The following KLHL33 variants were observed in gnomAD, a reference collection of about 807,000 sequenced individuals.
The protein encoded by KLHL33 is kelch-like protein 33.
Under a neutral mutation model 60.8 loss-of-function variants are expected in KLHL33, and 46 were observed. The observed-to-expected ratio is 0.76, with a 90% CI of 0.60 to 0.97. KLHL33 has a LOEUF of 0.97. Among genes scored for constraint, KLHL33 ranks in the 50% least tolerant of loss-of-function variants. The probability of loss-of-function intolerance (pLI) is 0.00; values close to 1 mark genes in which losing one functional copy is unlikely to be tolerated. For synonymous variants in KLHL33, 434 were observed against 432.2 expected, an observed-to-expected ratio of 1.00 and a Z score of -0.05; for missense variants, 1,055 against 1,000.0, an observed-to-expected ratio of 1.05 and a Z score of -0.74.
In KLHL33 at chr14:20,428,638, A is replaced by G; in HGVS notation, c.*211T>C. 1.8e-6 allele frequency: 1 copy of G among 551,362 alleles called. No homozygotes were observed. 34.2% of individuals were successfully genotyped at this position (551,362 alleles called of 1,614,324 possible). ...GTCTCCTTTCCTCACCTGGGTATTCAGCTGCCTCCCCTTTCCCTATATGTT... is the reference window on the plus strand; with the variant it reads ...GTCTCCTTTCCTCACCTGGGTATTCGGCTGCCTCCCCTTTCCCTATATGTT... On this transcript the variant is annotated 3_prime_UTR_variant, in exon 5 of 5. Coordinates refer to ENST00000636854, the MANE Select transcript of KLHL33 (RefSeq NM_001365790.2).
chr14:20,432,978 GAA>G (rs1439971096), intron 2 of KLHL33, among the ~76,000 whole-genome samples: 2 of 151,574 alleles, frequency 1.3e-5, no homozygotes, highest in South Asian at 2.1e-4. Flanking sequence ...AAGAAAGAAA[GAA>G]AGAAAGAGAG....
In KLHL33 at chr14:20,430,213, C is replaced by T; in HGVS notation, c.1255G>A (p.Ala419Thr). 6.4e-7 allele frequency: 1 copy of T among 1,551,614 alleles called. No homozygotes were observed. Among genetic ancestry groups the T allele is most frequent in the Non-Finnish European group, 8.7e-7 (1 of 1,147,002 alleles). Residue 419 changes from alanine (A) to threonine (T), a missense_variant, in exon 3 of 5, where the codon GCC becomes ACC. Coordinates refer to ENST00000636854, the MANE Select transcript of KLHL33 (RefSeq NM_001365790.2). ...AANPETQESE[A>T]KALLRCVRFG... ...CGGACACATCGCAGCAGGGCCTTGG[C>T]CTCTGACTCCTGGGTCTCGGGGTTG...
Position 20,435,417 on chromosome 14 carries a change from G to C in KLHL33, c.395C>G (p.Ala132Gly), listed in dbSNP as rs776094743. The C allele has an allele frequency of 4.1e-6, 5 of 1,234,408 alleles. No homozygotes were observed. The highest frequency in any genetic ancestry group is 5.1e-6 in the Non-Finnish European group (5 of 988,192). 76.5% of individuals were successfully genotyped at this position (1,234,408 alleles called of 1,614,324 possible). A position where few individuals can be genotyped will look rare whatever the true frequency, so the allele number is the denominator to read the frequency against. Reference sequence around the variant, plus strand: ...GTCTCGGAAGAGGCTGCTGATTGCGGCCAGGATCACCCGATGCACCCCGTA... The same window carrying C: ...GTCTCGGAAGAGGCTGCTGATTGCGCCCAGGATCACCCGATGCACCCCGTA... ...RVYGVHRVIL[A>G]AISSLFRDRL... The change falls in exon 2 of 5, where the codon GCC (alanine) becomes GGC (glycine). Residue 132 changes from alanine to glycine, a missense_variant. Ala to Gly is a moderately conservative substitution (Grantham distance 60). Coordinates refer to ENST00000636854, the MANE Select transcript of KLHL33 (RefSeq NM_001365790.2).
rs576003180 is a variant in KLHL33, at chr14:20,429,203, C to G, written c.2040G>C (p.Leu680Phe). Residue 680 changes from leucine to phenylalanine, a missense_variant, in exon 5 of 5, where the codon TTG becomes TTC. Transcript: ENST00000636854. ...VPRAGHVMAA[L>F]GGRLYVAGGL... is the part of the protein sequence containing the mutation. ...CACCTGCCACATACAACCTCCCACC[C>G]AATGCAGCCATGACATGGCCAGCCC... The G allele has an allele frequency of 6.4e-7, 1 of 1,551,640 alleles. No homozygotes were observed. Among genetic ancestry groups the G allele is most frequent in the Non-Finnish European group, 8.7e-7 (1 of 1,147,014 alleles).
intron 2 of KLHL33, among the ~76,000 whole-genome samples, chr14:20,434,426 A>G (rs932644305): frequency 2.0e-5 from 3 of 152,116 alleles, no homozygotes; most frequent in African/African-American, 7.2e-5. Context: ...CTGTAATCCC[A>G]GCTACTCGGG....
chr14:20,426,160 A>G lies in KLHL33; in HGVS notation c.*2689T>C, dbSNP rs994925449. ...AGAAGGGTGCAAGGGAGACTCCATC[A>G]TCACCCTTAGAAACATGAAAATCTT... is the stretch of plus-strand genomic sequence containing the variant. On this transcript the variant is annotated 3_prime_UTR_variant, in exon 5 of 5. Transcript: ENST00000636854. 3 of 152,212 alleles carry G rather than the reference A, an allele frequency of 2.0e-5. No individual in the cohort carries two copies. The highest frequency in any genetic ancestry group is 7.2e-5 in the African/African-American group (3 of 41,454). The allele number at this position is 152,212 out of a possible 1,614,324, so 9.4% of individuals were successfully genotyped here.
chr14:20,429,518 C>T lies in KLHL33; in HGVS notation c.1825G>A (p.Glu609Lys), dbSNP rs1213484201. The change falls in exon 4 of 5, where the codon GAG becomes AAG. Residue 609 changes from glutamate to lysine, a missense_variant. Transcript: ENST00000636854. ...ALDSVETYNP[E>K]LNVWRPAPAL... ...CCTGCTTACCTCCAGACATTGAGCT[C>T]AGGGTTGTAGGTCTCCACAGAGTCC... The T allele has an allele frequency of 2.6e-6, 4 of 1,552,222 alleles. No homozygotes were observed. Among genetic ancestry groups the T allele is most frequent in the Non-Finnish European group, 3.5e-6 (4 of 1,147,098 alleles).
Position 20,428,575 on chromosome 14 carries a change from T to G in KLHL33, c.*274A>C. On this transcript the variant is annotated 3_prime_UTR_variant, in exon 5 of 5. Coordinates refer to ENST00000636854, the MANE Select transcript of KLHL33 (RefSeq NM_001365790.2). ...ACTCTCTTTCAAACTAGATGCCCTT[T>G]CCCTAAGAATCCCTAAGCCTTGTGG... 2.5e-6 allele frequency: 1 copy of G among 408,058 alleles called. No homozygotes were observed. Among genetic ancestry groups the G allele is most frequent in the Non-Finnish European group, 4.4e-6 (1 of 226,438 alleles). The allele number at this position is 408,058 out of a possible 1,614,324, so 25.3% of individuals were successfully genotyped here. A position where few individuals can be genotyped will look rare whatever the true frequency, so the allele number is the denominator to read the frequency against.
Position 20,428,414 on chromosome 14 carries a change from T to C in KLHL33, c.*435A>G, listed in dbSNP as rs1040341660. 36 of 158,114 alleles carry C rather than the reference T, an allele frequency of 2.3e-4. No individual in the cohort carries two copies. The highest frequency in any genetic ancestry group is 2.0e-3 in the Admixed American group (32 of 16,096). The allele number at this position is 158,114 out of a possible 1,614,324, so 9.8% of individuals were successfully genotyped here. A position where few individuals can be genotyped will look rare whatever the true frequency, so the allele number is the denominator to read the frequency against. The stretch of plus-strand genomic sequence containing the variant: ...TCCAGGAAAAAAAGGGCTGAACGAT[T>C]TACAGTCCTTACTCCTACACTCCTC... On this transcript the variant is annotated 3_prime_UTR_variant, in exon 5 of 5. Transcript: ENST00000636854.
intron 3 of KLHL33, 50 bp from the exon 4 acceptor site, chr14:20,429,719 G>A (rs1206007739): frequency 1.3e-6 from 2 of 1,536,530 alleles, no homozygotes; most frequent in East Asian, 2.4e-5. Flanking sequence ...GGCATCCGTG[G>A]TTGGCTAGGC....
intron 2 of KLHL33, among the ~76,000 whole-genome samples, chr14:20,434,052 A>G (rs1053646365): frequency 6.6e-6 from 1 of 152,222 alleles, no homozygotes; most frequent in Non-Finnish European, 1.5e-5. Context: ...CCAAGTCAAC[A>G]TCTCCAAATT....
At position 20,436,162 on chromosome 14, in the gene KLHL33, G is replaced by A. The variant is rs1158708767; in HGVS notation, c.-83C>T. ...AAGCGCCCGCTGTGCTTGGGGCTGC[G>A]TGGCAGAGGGAACTTGCCCACATGG... On this transcript the variant is annotated 5_prime_UTR_variant, in exon 1 of 5. In the 5' UTR this introduces an upstream ATG that the reference lacks. Transcript: ENST00000636854. 1.7e-5 allele frequency: 3 copies of A among 175,342 alleles called. No individual in the cohort carries two copies. The highest frequency in any genetic ancestry group is 3.6e-5 in the Non-Finnish European group (3 of 83,942). The allele number at this position is 175,342 out of a possible 1,614,324, so 10.9% of individuals were successfully genotyped here. A position where few individuals can be genotyped will look rare whatever the true frequency, so the allele number is the denominator to read the frequency against.
At position 20,435,597 on chromosome 14, in the gene KLHL33, A is replaced by G; in HGVS notation, c.215T>C (p.Leu72Pro). Residue 72 changes from leucine to proline, a missense_variant, in exon 2 of 5, where the codon CTA becomes CCA. Coordinates refer to ENST00000636854, the MANE Select transcript of KLHL33 (RefSeq NM_001365790.2). The stretch of plus-strand genomic sequence containing the variant: ...TTCTTCCTCTTCCTCTTCTTCCTCT[A>G]GGGACAAGGCTGGAAAGGGAAGGTT... ...PRNLPFPALS[L>P]EEEEEEEEDE... is the part of the protein sequence containing the mutation. The G allele has an allele frequency of 8.1e-7, 1 of 1,234,598 alleles. No individual in the cohort carries two copies. The highest frequency in any genetic ancestry group is 3.2e-5 in the East Asian group (1 of 31,696). The allele number at this position is 1,234,598 out of a possible 1,614,324, so 76.5% of individuals were successfully genotyped here.
In KLHL33 at chr14:20,428,452, G is replaced by A. The variant is rs759137195; in HGVS notation, c.*397C>T. On this transcript the variant is annotated 3_prime_UTR_variant, in exon 5 of 5. Coordinates refer to ENST00000636854, the MANE Select transcript of KLHL33 (RefSeq NM_001365790.2). ...TCCTACACTCCTCAAACTCTTTCAT[G>A]GATGGCCATTCCACATTTTTCCCAT... 2.7e-5 allele frequency: 5 copies of A among 185,448 alleles called. No individual in the cohort carries two copies. Among genetic ancestry groups the A allele is most frequent in the Non-Finnish European group, 4.5e-5 (4 of 88,380 alleles). The allele number at this position is 185,448 out of a possible 1,614,324, so 11.5% of individuals were successfully genotyped here.
intron 2 of KLHL33, among the ~76,000 whole-genome samples, chr14:20,433,744 T>A (rs1244786185): frequency 2.0e-5 from 3 of 152,218 alleles, no homozygotes; most frequent in Non-Finnish European, 4.4e-5. Context: ...AATTTTATGA[T>A]TATGAAAAAT....
intron 2 of KLHL33, among the ~76,000 whole-genome samples, chr14:20,433,581 C>A (rs180834756): frequency 6.6e-6 from 1 of 152,340 alleles, no homozygotes; most frequent in East Asian, 1.9e-4. Flanking sequence ...TCAGAGCCAA[C>A]CCTGAAAGGG....
chr14:20,435,083 T>G lies in KLHL33; in HGVS notation c.729A>C (p.Ala243=), dbSNP rs1226557110. 8.1e-7 allele frequency: 1 copy of G among 1,234,448 alleles called. No homozygotes were observed. The highest frequency in any genetic ancestry group is 1.0e-6 in the Non-Finnish European group (1 of 988,256). The allele number at this position is 1,234,448 out of a possible 1,614,324, so 76.5% of individuals were successfully genotyped here. A position where few individuals can be genotyped will look rare whatever the true frequency, so the allele number is the denominator to read the frequency against. ...CCTCACCCGACAGCTGGCAGCCGCC[T>G]GCCTCCAGCTTCAAGTCACACCCGA... The part of the protein sequence containing the change: ...EGVGCDLKLE[A]GGCQLSVHRA... The change falls in exon 2 of 5, where the codon GCA becomes GCC. Residue 243 remains alanine, a synonymous_variant. Transcript: ENST00000636854.
intron 2 of KLHL33, 93 bp from the exon 3 acceptor site, chr14:20,430,812 C>CT: frequency 1.1e-6 from 1 of 904,910 alleles, no homozygotes; most frequent in Non-Finnish European, 1.6e-6. Context: ...TGGCCAAACT[C>CT]TAAGTTTGGC....
Position 20,435,221 on chromosome 14 carries a change from G to A in KLHL33, c.591C>T (p.Ala197=), listed in dbSNP as rs1271135348. The A allele has an allele frequency of 3.1e-5, 38 of 1,234,258 alleles. No homozygotes were observed. Among genetic ancestry groups the A allele is most frequent in the Non-Finnish European group, 3.8e-5 (38 of 988,202 alleles). 76.5% of individuals were successfully genotyped at this position (1,234,258 alleles called of 1,614,324 possible). A position where few individuals can be genotyped will look rare whatever the true frequency, so the allele number is the denominator to read the frequency against. Residue 197 remains alanine, a synonymous_variant, in exon 2 of 5, where the codon GCC becomes GCT. Transcript: ENST00000636854. ...TTCCAGCCCTCTCGCATGTCTGCTG[G>A]GCAGCAGCCTTCACCCGGGGCGCTC... is the stretch of plus-strand genomic sequence containing the variant. ...ALGAPRVKAA[A]QQTCERAGNA... is the part of the protein sequence containing the mutation.
Sources: gnomAD v4.1 joint callset for allele counts (sites outside exome capture counted in the v4.1 genomes callset) on GRCh38, gnomAD v4.1.1 for gene constraint, MANE v1.5 for transcripts, NCBI Gene and HGNC (gene_info 2026-07-23, HGNC 2026-07-21) for gene names.